PRDM2: variants seen among roughly 807,000 people sequenced by gnomAD.
The protein encoded by PRDM2 is PR domain zinc finger protein 2.
In PRDM2, 30 loss-of-function variants were observed where a neutral mutation model predicts 130.0. The ratio of observed to expected loss-of-function variants is 0.23; its 90% confidence interval spans 0.17 to 0.31. The LOEUF (loss-of-function observed/expected upper bound fraction) is 0.31, where lower values mean the gene tolerates loss of function less well. PRDM2 is among the 10% of genes least tolerant of loss of function. The pLI, the probability that PRDM2 is intolerant of heterozygous loss-of-function variation, is 1.00. For synonymous variants in PRDM2, 871 were observed against 782.4 expected, an observed-to-expected ratio of 1.11 and a Z score of -1.89; for missense variants, 2,011 against 2,108.4, an observed-to-expected ratio of 0.95 and a Z score of 0.90.
intron 1 of PRDM2, among the ~76,000 whole-genome samples, chr1:13,702,220 G>A (rs1033126166): frequency 6.6e-6 from 1 of 152,052 alleles, no homozygotes; most frequent in Non-Finnish European, 1.5e-5. Context: ...TGATAATATA[G>A]TGTGTATATT....
chr1:13,796,474 G>A (rs946355189), intron 8 of PRDM2, among the ~76,000 whole-genome samples: 1 of 152,202 alleles, frequency 6.6e-6, no homozygotes, highest in Middle Eastern at 3.2e-3. Flanking sequence ...AGTAGGTCTT[G>A]ACCAGATGCG....
chr1:13,788,623 TA>T (rs1428397130), intron 8 of PRDM2, among the ~76,000 whole-genome samples: 5 of 152,230 alleles, frequency 3.3e-5, no homozygotes, highest in Admixed American at 2.0e-4. Context: ...TGTTCTGGCA[TA>T]CGATATTCCT....
intron 8 of PRDM2, among the ~76,000 whole-genome samples, chr1:13,804,992 G>T (rs183806884): frequency 2.8e-4 from 43 of 152,266 alleles, no homozygotes; most frequent in Admixed American, 2.7e-3. Context: ...GTGTCAAATG[G>T]TCCTGGATTC....
intron 8 of PRDM2, among the ~76,000 whole-genome samples, chr1:13,797,439 C>T (rs1177005827): frequency 2.0e-5 from 3 of 152,120 alleles, no homozygotes; most frequent in African/African-American, 4.8e-5. Flanking sequence ...AAATATATGC[C>T]GTGCCAGATT....
chr1:13,729,292 G>A (rs928332018), intron 2 of PRDM2, among the ~76,000 whole-genome samples: 9 of 152,188 alleles, frequency 5.9e-5, no homozygotes, highest in Admixed American at 4.6e-4. Context: ...TTTTCAAAGC[G>A]GCTGTGCTCC....
rs1645046223 is a variant in PRDM2 at position 13,803,820 on chromosome 1, C to T, written c.5037-12607C>T. 6.6e-6 allele frequency among the ~76,000 whole-genome samples: 1 copy of T among 152,162 alleles called. No homozygotes were observed. The highest frequency in any genetic ancestry group is 2.4e-5 in the African/African-American group (1 of 41,444). On this transcript the variant is annotated intron_variant, in intron 8 of 9. Coordinates refer to ENST00000311066, the MANE Select transcript of PRDM2 (RefSeq NM_001393986.1). This position sits in a 1 kb window ranked among gnomAD's most constrained non-coding sequence, Gnocchi z 6.2. ...CATGCTGGGTATTTAGAGTTCAACCCAAACAGGTTTGGGGAATTCATGGCC... is the reference window on the plus strand; with the variant it reads ...CATGCTGGGTATTTAGAGTTCAACCTAAACAGGTTTGGGGAATTCATGGCC...
intron 7 of PRDM2, 180 bp downstream of exon 7, chr1:13,773,368 A>T: frequency 5.0e-6 from 2 of 399,336 alleles, no homozygotes; most frequent in Non-Finnish European, 9.1e-6. Context: ...CCTTCCCTTC[A>T]AACAATTGTG....
intron 5 of PRDM2, among the ~76,000 whole-genome samples, chr1:13,746,770 T>A (rs1643623698): frequency 6.6e-6 from 1 of 152,176 alleles, no homozygotes; most frequent in Non-Finnish European, 1.5e-5. Flanking sequence ...TTGCCCAGGC[T>A]GGTCTCAAAC....
At chr1:13,734,502 G>A (rs1256201545) in intron 4 of PRDM2, among the ~76,000 whole-genome samples, 3 of 152,150 alleles carry the variant, frequency 2.0e-5, no homozygotes, top group African/African-American at 7.2e-5. Flanking sequence ...ACTTGATGTT[G>A]TTGGGCATAT....
intron 6 of PRDM2, among the ~76,000 whole-genome samples, chr1:13,757,767 G>C (rs950448825): frequency 7.0e-6 from 1 of 143,862 alleles, no homozygotes; most frequent in Non-Finnish European, 1.5e-5. Context: ...TTTATTTGCA[G>C]AGGTGGATAG....
At chr1:13,787,099 G>A (rs1216215029) in intron 8 of PRDM2, 1 of 985,368 alleles carries the variant, frequency 1.0e-6, no homozygotes, top group Non-Finnish European at 1.2e-6. Flanking sequence ...GATTGCCAGC[G>A]TAATGGAGAG....
chr1:13,747,023 T>C (rs958313459), intron 5 of PRDM2, among the ~76,000 whole-genome samples: 1 of 152,250 alleles, frequency 6.6e-6, no homozygotes, highest in Non-Finnish European at 1.5e-5. Context: ...CCCTCCCAAG[T>C]AGAGTTTGTG....
In PRDM2 at chr1:13,792,423, A is replaced by T. The variant is rs538507338; in HGVS notation, c.5036+9592A>T. ...TAATCATTGGCCCAAAATATACTTT[A>T]ATTTTTTTTATTGGAATGAAGTTAT... On this transcript the variant is annotated intron_variant, in intron 8 of 9. Transcript: ENST00000311066. Among the ~76,000 whole-genome samples, 40 of 152,288 alleles carry T rather than the reference A, an allele frequency of 2.6e-4. No homozygotes were observed. The South Asian group carries it at 7.9e-3, about 30-fold the overall frequency.
chr1:13,757,329 TTTTC>T (rs1643980839), intron 6 of PRDM2, among the ~76,000 whole-genome samples: 1 of 152,274 alleles, frequency 6.6e-6, no homozygotes, highest in African/African-American at 2.4e-5. Flanking sequence ...CTAATGAATA[TTTTC>T]TTTCTCTTAG....
intron 6 of PRDM2, among the ~76,000 whole-genome samples, chr1:13,759,648 A>G (rs1425861945): frequency 6.6e-6 from 1 of 152,182 alleles, no homozygotes; most frequent in African/African-American, 2.4e-5. Context: ...AATGTTGGTC[A>G]TAGCTGGGTC....
chr1:13,773,058 T>A lies in PRDM2; in HGVS notation c.512-20T>A. ...ATAAAAAAAAAATGAATGAATAAAT[T>A]AAAAAAAATTGTGTTTCAGGGAAGA... On this transcript the variant is annotated intron_variant, in intron 6 of 9. Transcript: ENST00000311066. The A allele has an allele frequency of 7.5e-7, 1 of 1,334,696 alleles. No individual in the cohort carries two copies. The highest frequency in any genetic ancestry group is 1.0e-6 in the Non-Finnish European group (1 of 993,682). The allele number at this position is 1,334,696 out of a possible 1,614,324, so 82.7% of individuals were successfully genotyped here.
chr1:13,729,827 G>A (rs1268562293), intron 2 of PRDM2, among the ~76,000 whole-genome samples: 4 of 152,126 alleles, frequency 2.6e-5, no homozygotes, highest in South Asian at 2.1e-4. Flanking sequence ...TTGGGCTCTC[G>A]AGCTTGAAGC....
intron 4 of PRDM2, among the ~76,000 whole-genome samples, chr1:13,737,268 T>C (rs1212689493): frequency 6.6e-6 from 1 of 152,336 alleles, no homozygotes; most frequent in African/African-American, 2.4e-5. Flanking sequence ...TTTTAAAGGG[T>C]TGGAAAAATA....
At chr1:13,797,236 A>G (rs1465658299) in intron 8 of PRDM2, among the ~76,000 whole-genome samples, 1 of 152,070 alleles carries the variant, frequency 6.6e-6, no homozygotes, top group Admixed American at 6.5e-5. Flanking sequence ...TTGTTTTGGA[A>G]TTTCTCTAAT....
Sources: gnomAD v4.1 joint callset for allele counts (sites outside exome capture counted in the v4.1 genomes callset) on GRCh38, gnomAD v4.1.1 for gene constraint, Gnocchi (gnomAD v3.1) non-coding constraint, MANE v1.5 for transcripts, NCBI Gene and HGNC (gene_info 2026-07-23, HGNC 2026-07-21) for gene names.